The following MBTD1 variants were observed in gnomAD, a reference collection of about 807,000 sequenced individuals.
MBTD1 encodes mbt domain containing 1.
In MBTD1, 24 loss-of-function variants were observed where a neutral mutation model predicts 87.8. The observed-to-expected ratio is 0.27, with a 90% CI of 0.20 to 0.38. MBTD1 has a LOEUF of 0.38. Ranked by LOEUF, MBTD1 falls within the 10% of genes least tolerant of loss-of-function variation. The pLI is 1.00. For missense variants in MBTD1, 436 were observed against 760.2 expected, an observed-to-expected ratio of 0.57 and a Z score of 5.02; for synonymous variants, 237 against 248.6, an observed-to-expected ratio of 0.95 and a Z score of 0.44.
chr17:51,208,190 A>C (rs2051960597), intron 6 of MBTD1, among the ~76,000 whole-genome samples: 1 of 152,196 alleles, frequency 6.6e-6, no homozygotes, highest in Non-Finnish European at 1.5e-5. Flanking sequence ...TTTCTGAAGG[A>C]GAGGAAGAGA....
chr17:51,255,000 G>A (rs1346141522), intron 2 of MBTD1, among the ~76,000 whole-genome samples: 1 of 152,076 alleles, frequency 6.6e-6, no homozygotes, highest in Non-Finnish European at 1.5e-5. Context: ...ACATAGAGAC[G>A]GGCCAGGCGC....
At chr17:51,243,011 A>G (rs557258619) in intron 2 of MBTD1, among the ~76,000 whole-genome samples, 85 of 152,292 alleles carry the variant, frequency 5.6e-4, no homozygotes, top group Non-Finnish European at 6.2e-4. Context: ...ATGTTTTGCA[A>G]TTACAAATAC....
At chr17:51,260,216 A>G (rs552786795), upstream of MBTD1, 74 of 409,820 alleles carry the variant, frequency 1.8e-4, 1 homozygote, top group African/African-American at 1.3e-3. Context: ...GGCTTGTGTC[A>G]AGTCAAGTGG....
chr17:51,259,821 C>T lies in MBTD1; in HGVS notation c.-113+14G>A. ...CACCTGGCACACAAAGCGGCTGCCGCGCTCGGCTCTCACCAGATCCTTTGT... is the reference window on the plus strand; with the variant it reads ...CACCTGGCACACAAAGCGGCTGCCGTGCTCGGCTCTCACCAGATCCTTTGT... On this transcript the variant is annotated intron_variant, in intron 1 of 16. Transcript: ENST00000586178. 1 of 1,232,516 alleles carries T rather than the reference C, an allele frequency of 8.1e-7. No individual in the cohort carries two copies. Among genetic ancestry groups the T allele is most frequent in the South Asian group, 4.1e-5 (1 of 24,338 alleles). The allele number at this position is 1,232,516 out of a possible 1,614,324, so 76.3% of individuals were successfully genotyped here.
At position 51,177,595 on chromosome 17, in the gene MBTD1, T is replaced by A. The variant is rs2050154036; in HGVS notation, c.*2981A>T. 1 of 152,190 alleles carries A rather than the reference T, an allele frequency of 6.6e-6. No individual in the cohort carries two copies. 9.4% of individuals were successfully genotyped at this position (152,190 alleles called of 1,614,324 possible). On this transcript the variant is annotated 3_prime_UTR_variant, in exon 17 of 17. Transcript: ENST00000586178. ...CAAAGGAATTTTTCACGCCATTATA[T>A]ATACACTTCATGAGAAAGTTTCAAA...
intron 2 of MBTD1, among the ~76,000 whole-genome samples, chr17:51,245,893 AGT>A (rs1486542962): frequency 6.6e-6 from 1 of 152,210 alleles, no homozygotes; most frequent in African/African-American, 2.4e-5. Context: ...AAAAGTTATC[AGT>A]CTTTTTATAT....
At chr17:51,247,150 GAA>G (rs2054487187) in intron 2 of MBTD1, among the ~76,000 whole-genome samples, 1 of 152,110 alleles carries the variant, frequency 6.6e-6, no homozygotes, top group Non-Finnish European at 1.5e-5. Flanking sequence ...CCTATTTTCT[GAA>G]AAGTTTTTGT....
chr17:51,195,966 G>A (rs991160850), intron 12 of MBTD1, among the ~76,000 whole-genome samples: 4 of 152,176 alleles, frequency 2.6e-5, no homozygotes, highest in African/African-American at 9.7e-5. Flanking sequence ...GGAGTGCAAT[G>A]GTGCGAACAT....
In MBTD1 at chr17:51,218,982, G is replaced by A. The variant is rs1014317838; in HGVS notation, c.351C>T (p.Ala117=). ...LQKQPLVAKL[A]AYAQYQATLQ... The stretch of plus-strand genomic sequence containing the variant: ...AGGTAGCTTGATACTGAGCATATGC[G>A]GCTAGCTTAGCAACTAAAGGTTGTT... The change falls in exon 5 of 17, where the codon GCC becomes GCT. Residue 117 remains alanine, a synonymous_variant. Coordinates refer to ENST00000586178, the MANE Select transcript of MBTD1 (RefSeq NM_017643.3). 8.4e-6 allele frequency: 13 copies of A among 1,551,128 alleles called. No individual in the cohort carries two copies. Among genetic ancestry groups the A allele is most frequent in the African/African-American group, 5.5e-5 (4 of 72,982 alleles).
chr17:51,210,064 C>T (rs998604672), intron 6 of MBTD1, among the ~76,000 whole-genome samples: 8 of 152,212 alleles, frequency 5.3e-5, no homozygotes, highest in South Asian at 2.1e-4. Flanking sequence ...TGAAGTGGCG[C>T]GATCTCGGCT....
chr17:51,182,392 G>C (rs376556420), intron 16 of MBTD1, among the ~76,000 whole-genome samples: 19 of 152,172 alleles, frequency 1.2e-4, no homozygotes, highest in African/African-American at 4.3e-4. Context: ...CTCCCAAAGT[G>C]TTTGGATTAC....
chr17:51,236,243 A>G (rs957251038), intron 2 of MBTD1, among the ~76,000 whole-genome samples: 13 of 151,742 alleles, frequency 8.6e-5, no homozygotes, highest in African/African-American at 2.9e-4. Flanking sequence ...TAATGACACT[A>G]TGTTTTTGTT....
At chr17:51,205,305 A>G (rs2051754747) in intron 7 of MBTD1, among the ~76,000 whole-genome samples, 1 of 152,216 alleles carries the variant, frequency 6.6e-6, no homozygotes, top group South Asian at 2.1e-4. Context: ...CTACAATGGC[A>G]TTAAAGTGGC....
chr17:51,210,106 A>G (rs1225374914), intron 6 of MBTD1, among the ~76,000 whole-genome samples: 1 of 151,982 alleles, frequency 6.6e-6, no homozygotes, highest in Non-Finnish European at 1.5e-5. Context: ...GGTCCAAGCC[A>G]TTCTCTTGCC....
At chr17:51,183,990 AG>A (rs1295241852) in intron 16 of MBTD1, 18 of 152,220 alleles carry the variant, frequency 1.2e-4, no homozygotes, top group African/African-American at 4.3e-4. Context: ...AATGTAAGAA[AG>A]GTAAGTTGAG....
intron 2 of MBTD1, among the ~76,000 whole-genome samples, chr17:51,226,858 C>T (rs1234747816): frequency 6.6e-6 from 1 of 151,884 alleles, no homozygotes; most frequent in Non-Finnish European, 1.5e-5. Context: ...TATTGAACTC[C>T]TGGCCTCAAG....
intron 6 of MBTD1, among the ~76,000 whole-genome samples, chr17:51,208,389 T>C (rs2051975429): frequency 6.6e-6 from 1 of 152,246 alleles, no homozygotes; most frequent in Non-Finnish European, 1.5e-5. Context: ...ATATTCATTG[T>C]GACTACCTCT....
chr17:51,197,055 T>TG (rs1467358047), intron 12 of MBTD1, among the ~76,000 whole-genome samples: 56 of 1,088 alleles, frequency 0.051, 7 homozygotes, highest in Admixed American at 0.19. Context: ...TATATATATA[T>TG]ATATATATAT....
chr17:51,247,480 T>C (rs1438794152), intron 2 of MBTD1, among the ~76,000 whole-genome samples: 1 of 149,116 alleles, frequency 6.7e-6, no homozygotes, highest in Non-Finnish European at 1.5e-5. Context: ...ACGGTCTTGC[T>C]CTATCGTTCA....
Sources: allele counts gnomAD v4.1 joint callset (sites outside exome capture counted in the v4.1 genomes callset), GRCh38; gene constraint gnomAD v4.1.1; transcripts MANE v1.5; gene names NCBI Gene and HGNC (gene_info 2026-07-23, HGNC 2026-07-21).